Variants in SKAP1 observed in about 807,000 individuals in gnomAD.
SKAP1 encodes src kinase associated phosphoprotein 1.
In SKAP1, 44 loss-of-function variants were observed where a neutral mutation model predicts 58.5. That is an observed-to-expected ratio of 0.75 (90% CI 0.59 to 0.97). The LOEUF (loss-of-function observed/expected upper bound fraction) is 0.97. Among genes scored for constraint, SKAP1 ranks in the 50% least tolerant of loss-of-function variants. The pLI, the probability that SKAP1 is intolerant of heterozygous loss-of-function variation, is 0.00. For missense variants in SKAP1, 390 were observed against 435.2 expected (o/e 0.90, Z 0.92); for synonymous variants, 127 against 149.7 (o/e 0.85, Z 1.11).
chr17:48,286,639 T>A (rs2065832972), intron 4 of SKAP1, among the ~76,000 whole-genome samples: 1 of 152,216 alleles, frequency 6.6e-6, no homozygotes, highest in African/African-American at 2.4e-5. Context: ...GGATCTAAGT[T>A]ATATAAGCAT....
chr17:48,217,880 A>C (rs1177988798), intron 4 of SKAP1, among the ~76,000 whole-genome samples: 1 of 152,186 alleles, frequency 6.6e-6, no homozygotes, highest in Non-Finnish European at 1.5e-5. Context: ...ACATTATGTG[A>C]AACAGAGGGT....
At chr17:48,240,696 C>G (rs986138083) in intron 4 of SKAP1, among the ~76,000 whole-genome samples, 1 of 152,136 alleles carries the variant, frequency 6.6e-6, no homozygotes, top group Non-Finnish European at 1.5e-5. Flanking sequence ...CAGTGTTGTT[C>G]CAGTGGAATT....
Position 48,342,037 on chromosome 17 carries a change from C to T in SKAP1, c.280+3868G>A, listed in dbSNP as rs563512315. ...AGGTATGCAGGGATTCTTCATTATA[C>T]TAACAAAGTAAGTTTATAAATACAT... On this transcript the variant is annotated intron_variant, in intron 4 of 12. Coordinates refer to ENST00000336915, the MANE Select transcript of SKAP1 (RefSeq NM_003726.4). 2.6e-4 allele frequency among the ~76,000 whole-genome samples: 39 copies of T among 152,276 alleles called. No individual in the cohort carries two copies. The East Asian group carries it at 6.7e-3, about 26-fold the overall frequency.
chr17:48,434,327 C>T (rs1188998704), upstream of SKAP1, among the ~76,000 whole-genome samples: 1 of 152,206 alleles, frequency 6.6e-6, no homozygotes, highest in Non-Finnish European at 1.5e-5. Flanking sequence ...AAGCATCATG[C>T]CACCTTGAAG....
At chr17:48,300,996 T>G (rs1372822125) in intron 4 of SKAP1, among the ~76,000 whole-genome samples, 1 of 152,182 alleles carries the variant, frequency 6.6e-6, no homozygotes, top group Non-Finnish European at 1.5e-5. Flanking sequence ...CATTTCTACC[T>G]TTCCAGGACC....
intron 2 of SKAP1, among the ~76,000 whole-genome samples, chr17:48,388,246 C>A (rs2067303115): frequency 6.6e-6 from 1 of 151,998 alleles, no homozygotes; most frequent in Non-Finnish European, 1.5e-5. Flanking sequence ...CCAGCCTGGC[C>A]AACATGGTGA....
At chr17:48,396,937 A>C in intron 1 of SKAP1, 152 bp from the exon 2 acceptor site, 1 of 463,254 alleles carries the variant, frequency 2.2e-6, no homozygotes, top group South Asian at 3.1e-5. Context: ...TAAAAAAAAA[A>C]AAACTTTATA....
chr17:48,370,143 C>G, intron 2 of SKAP1, among the ~76,000 whole-genome samples: 1 of 152,020 alleles, frequency 6.6e-6, no homozygotes, highest in East Asian at 1.9e-4. Flanking sequence ...CTTAATCGGA[C>G]AAGTAAAAAA....
intron 4 of SKAP1, among the ~76,000 whole-genome samples, chr17:48,233,402 TGA>T (rs2065144975): frequency 6.6e-6 from 1 of 152,188 alleles, no homozygotes; most frequent in Admixed American, 6.5e-5. Context: ...GTGGTTTTGT[TGA>T]ACTGTGTTGT....
intron 4 of SKAP1, among the ~76,000 whole-genome samples, chr17:48,213,729 T>C (rs931527945): frequency 1.3e-5 from 2 of 152,204 alleles, no homozygotes; most frequent in East Asian, 1.9e-4. Flanking sequence ...ATCATCTCCA[T>C]AACAGGAATG....
At chr17:48,309,853 T>C (rs1379908200) in intron 4 of SKAP1, among the ~76,000 whole-genome samples, 4 of 152,218 alleles carry the variant, frequency 2.6e-5, no homozygotes, top group Non-Finnish European at 4.4e-5. Flanking sequence ...ATTTCAAGCC[T>C]AACTCTCTAG....
chr17:48,162,607 C>T (rs778232516), intron 10 of SKAP1, 38 bp from the exon 11 acceptor site: 2 of 1,531,192 alleles, frequency 1.3e-6, no homozygotes, highest in African/African-American at 2.7e-5. Flanking sequence ...TAAAAGGACT[C>T]TATTTTTTCC....
intron 4 of SKAP1, among the ~76,000 whole-genome samples, chr17:48,226,631 T>C (rs2065071882): frequency 6.6e-6 from 1 of 152,192 alleles, no homozygotes; most frequent in African/African-American, 2.4e-5. Context: ...ATCAGCTCAG[T>C]CCTCCAGTCT....
intron 4 of SKAP1, among the ~76,000 whole-genome samples, chr17:48,210,950 G>A (rs11079817): frequency 0.83 from 126,613 of 152,096 alleles, 52,759 homozygotes; most frequent in East Asian, 0.95. Flanking sequence ...GTGACGGAAA[G>A]CCCCAAATAA....
At chr17:48,387,973 T>G (rs2067298909) in intron 2 of SKAP1, among the ~76,000 whole-genome samples, 1 of 152,188 alleles carries the variant, frequency 6.6e-6, no homozygotes, top group African/African-American at 2.4e-5. Context: ...ACTGGAGGAT[T>G]ATCCCCTAGT....
chr17:48,179,980 A>G (rs1346115451), intron 9 of SKAP1, 74 bp downstream of exon 9: 4 of 1,389,786 alleles, frequency 2.9e-6, no homozygotes, highest in Non-Finnish European at 3.9e-6. Context: ...TGGAATTTTC[A>G]AAGTTATTAT....
rs67940436 is a variant in SKAP1, at chr17:48,392,877, A to AT, written c.152+3802dup. Among the ~76,000 whole-genome samples the AT allele has an allele frequency of 2.7e-3, 341 of 127,416 alleles. 1 individual carries two copies. The highest frequency in any genetic ancestry group is 6.3e-3 in the African/African-American group (221 of 35,124). The allele number at this position is 127,416 out of a possible 152,430, so 83.6% of individuals were successfully genotyped here. ...TCTCAAAAAAAATATATATATATAT[A>AT]TTTTTTTTTTCTTTACCCCTCCCCC... is the stretch of plus-strand genomic sequence containing the variant. On this transcript the variant is annotated intron_variant, in intron 2 of 12. Transcript: ENST00000336915.
At chr17:48,397,060 T>G (rs753355328) in intron 1 of SKAP1, 9 of 378,424 alleles carry the variant, frequency 2.4e-5, no homozygotes, top group Non-Finnish European at 3.3e-5. Flanking sequence ...TAACTAAAAT[T>G]TTATATATAC....
rs1430661578 is a variant in SKAP1, at chr17:48,402,784, A to C, written c.47-5999T>G. ...GTGCTACAACATGGATGAATCTTTA[A>C]AATCATTATGCTAAGTGAAAGGAGC... is the stretch of plus-strand genomic sequence containing the variant. On this transcript the variant is annotated intron_variant, in intron 1 of 12. Transcript: ENST00000336915. 2.6e-5 allele frequency among the ~76,000 whole-genome samples: 4 copies of C among 152,366 alleles called. No homozygotes were observed. The East Asian group carries it at 7.7e-4, about 29-fold the overall frequency.
Sources: allele counts gnomAD v4.1 joint callset (sites outside exome capture counted in the v4.1 genomes callset), GRCh38; gene constraint gnomAD v4.1.1; transcripts MANE v1.5; gene names NCBI Gene and HGNC (gene_info 2026-07-23, HGNC 2026-07-21).